Variants in IQCM observed in about 807,000 individuals in gnomAD.
The protein encoded by IQCM is IQ motif containing M, also known as IQ domain-containing protein M.
In IQCM, 45 loss-of-function variants were observed where a neutral mutation model predicts 57.6. The ratio of observed to expected loss-of-function variants is 0.78; its 90% CI spans 0.62 to 1.00. The LOEUF (loss-of-function observed/expected upper bound fraction) is 1.00, where lower values mean the gene tolerates loss of function less well. Ranked by LOEUF, IQCM falls within the 50% of genes least tolerant of loss-of-function variation. The probability of loss-of-function intolerance (pLI) is 0.00; values close to 1 mark genes in which losing one functional copy is unlikely to be tolerated. For missense variants in IQCM, 468 were observed against 511.6 expected, an observed-to-expected ratio of 0.91 and a Z score of 0.82; for synonymous variants, 148 against 158.9, an observed-to-expected ratio of 0.93 and a Z score of 0.51.
intron 9 of IQCM, among the ~76,000 whole-genome samples, chr4:149,575,694 T>C (rs182277334): frequency 6.6e-6 from 1 of 151,958 alleles, no homozygotes; most frequent in Non-Finnish European, 1.5e-5. Flanking sequence ...AGGATGGAGA[T>C]TGATATCCCA....
chr4:149,527,684 C>G (rs1746297556), intron 12 of IQCM, among the ~76,000 whole-genome samples: 1 of 152,104 alleles, frequency 6.6e-6, no homozygotes, highest in African/African-American at 2.4e-5. Context: ...AATAAGGTTC[C>G]AAAAGAGAAA....
chr4:149,457,248 T>C (rs138036902), intron 12 of IQCM, among the ~76,000 whole-genome samples: 251 of 152,188 alleles, frequency 1.6e-3, no homozygotes, highest in African/African-American at 5.9e-3. Context: ...TAGCACTATC[T>C]AAAAAAGGAG....
chr4:149,387,695 A>G (rs1731520212), intron 13 of IQCM, among the ~76,000 whole-genome samples: 1 of 151,956 alleles, frequency 6.6e-6, no homozygotes, highest in Non-Finnish European at 1.5e-5. Context: ...GCTTTATTTC[A>G]TGAACCATAA....
intron 3 of IQCM, among the ~76,000 whole-genome samples, chr4:149,736,357 T>C (rs1483615514): frequency 1.3e-5 from 2 of 152,208 alleles, no homozygotes; most frequent in Non-Finnish European, 2.9e-5. Flanking sequence ...ATATTTTCTT[T>C]ATTATTAGCT....
At chr4:149,789,160 T>A (rs1044361521) in intron 2 of IQCM, among the ~76,000 whole-genome samples, 1 of 152,148 alleles carries the variant, frequency 6.6e-6, no homozygotes, top group Non-Finnish European at 1.5e-5. Context: ...CTTAAAATGT[T>A]CCCAACACAT....
chr4:149,372,293 A>G (rs941791628), intron 13 of IQCM, among the ~76,000 whole-genome samples: 4 of 152,168 alleles, frequency 2.6e-5, no homozygotes, highest in African/African-American at 9.6e-5. Context: ...CTAAAGTTGT[A>G]CTATTGTTTA....
At chr4:149,590,776 T>C (rs1013632663) in intron 8 of IQCM, among the ~76,000 whole-genome samples, 15 of 152,244 alleles carry the variant, frequency 9.9e-5, no homozygotes, top group Admixed American at 9.8e-4. Context: ...GCAAAGAACA[T>C]GAGCTCATCC....
intron 13 of IQCM, among the ~76,000 whole-genome samples, chr4:149,403,419 G>T (rs1355525372): frequency 6.6e-6 from 1 of 151,932 alleles, no homozygotes; most frequent in Non-Finnish European, 1.5e-5. Context: ...GATCATCATA[G>T]TTATGCCATT....
intron 7 of IQCM, among the ~76,000 whole-genome samples, chr4:149,629,009 T>C (rs1021998062): frequency 3.9e-5 from 6 of 152,126 alleles, no homozygotes; most frequent in African/African-American, 1.4e-4. Context: ...CTCTGAAAAT[T>C]TGCTCAGAAA....
chr4:149,531,157 T>C (rs894658785), intron 12 of IQCM, among the ~76,000 whole-genome samples: 6 of 152,160 alleles, frequency 3.9e-5, no homozygotes, highest in African/African-American at 9.7e-5. Context: ...AAATTTACTA[T>C]ATTGATTGTA....
intron 7 of IQCM, among the ~76,000 whole-genome samples, chr4:149,654,093 A>C (rs188538224): frequency 6.6e-6 from 1 of 152,228 alleles, no homozygotes; most frequent in South Asian, 2.1e-4. Flanking sequence ...GAATATCCTC[A>C]TTCCTACAAA....
chr4:149,781,846 T>C (rs901038462), intron 2 of IQCM, among the ~76,000 whole-genome samples: 53 of 152,160 alleles, frequency 3.5e-4, no homozygotes, highest in African/African-American at 1.2e-3. Context: ...TAGGAAAAGG[T>C]CATGAAAAAC....
intron 7 of IQCM, among the ~76,000 whole-genome samples, chr4:149,630,641 C>T (rs1184273978): frequency 1.3e-5 from 2 of 152,044 alleles, no homozygotes; most frequent in Non-Finnish European, 2.9e-5. Context: ...CTATTTTAGC[C>T]AAGGCTTTGA....
intron 12 of IQCM, among the ~76,000 whole-genome samples, chr4:149,487,597 TCAAGTACTGACC>T (rs1192095110): frequency 6.6e-6 from 1 of 152,228 alleles, no homozygotes; most frequent in East Asian, 1.9e-4. Context: ...GCCAAGAAAC[TCAAGTACTGACC>T]ACTGGGATGG....
chr4:149,619,660 A>G (rs903220399), intron 8 of IQCM, among the ~76,000 whole-genome samples: 6 of 152,236 alleles, frequency 3.9e-5, no homozygotes, highest in Admixed American at 3.9e-4. Flanking sequence ...ACAGGTAGAT[A>G]AAAGAATTTG....
At chr4:149,557,953 G>A (rs1560989330) in intron 10 of IQCM, among the ~76,000 whole-genome samples, 1 of 152,148 alleles carries the variant, frequency 6.6e-6, no homozygotes, top group Non-Finnish European at 1.5e-5. Flanking sequence ...TACTGCAGAT[G>A]TTTTCACTGC....
intron 7 of IQCM, among the ~76,000 whole-genome samples, chr4:149,647,153 T>TTA (rs1340821917): frequency 6.6e-6 from 1 of 152,194 alleles, no homozygotes; most frequent in Non-Finnish European, 1.5e-5. Context: ...AAAGTGATAT[T>TTA]GTAGATACTA....
At chr4:149,533,682 G>A (rs763719869) in intron 12 of IQCM, among the ~76,000 whole-genome samples, 183 of 151,908 alleles carry the variant, frequency 1.2e-3, no homozygotes, top group Non-Finnish European at 2.0e-3. Context: ...GAAGGTGAGG[G>A]AAAGCCCCTT....
chr4:149,808,155 T>C (rs778559578), intron 2 of IQCM, among the ~76,000 whole-genome samples: 3 of 152,172 alleles, frequency 2.0e-5, no homozygotes, highest in Non-Finnish European at 2.9e-5. Flanking sequence ...TGGCAAGATA[T>C]GGAATCAACC....
Sources: gnomAD v4.1 joint callset for allele counts (sites outside exome capture counted in the v4.1 genomes callset) on GRCh38, gnomAD v4.1.1 for gene constraint, MANE v1.5 for transcripts, NCBI Gene and HGNC (gene_info 2026-07-23, HGNC 2026-07-21) for gene names.